Variants in ATXN1 observed in about 807,000 individuals in gnomAD.
The protein encoded by ATXN1 is ataxin-1.
In ATXN1, 8 loss-of-function variants were observed where a neutral mutation model predicts 56.4. The observed-to-expected ratio is 0.14, with a 90% confidence interval of 0.08 to 0.26. The LOEUF (loss-of-function observed/expected upper bound fraction) is 0.26, where lower values mean the gene tolerates loss of function less well. Among genes scored for constraint, ATXN1 ranks in the 10% least tolerant of loss-of-function variants. ATXN1 has a pLI of 1.00. For synonymous variants in ATXN1, 514 were observed against 494.6 expected, an observed-to-expected ratio of 1.04 and a Z score of -0.52; for missense variants, 987 against 1,106.5, an observed-to-expected ratio of 0.89 and a Z score of 1.53.
chr6:16,756,356 A>T (rs1760887053), intron 1 of ATXN1, among the ~76,000 whole-genome samples: 1 of 152,150 alleles, frequency 6.6e-6, no homozygotes, highest in Non-Finnish European at 1.5e-5. Flanking sequence ...TATTAAACTA[A>T]ATTACATGAA....
chr6:16,463,980 G>A (rs1278850392), intron 6 of ATXN1, among the ~76,000 whole-genome samples: 1 of 152,160 alleles, frequency 6.6e-6, no homozygotes, highest in African/African-American at 2.4e-5. Flanking sequence ...TTGGCCTAGA[G>A]TGTTCCCCTC....
intron 3 of ATXN1, among the ~76,000 whole-genome samples, chr6:16,637,457 G>A (rs560312665): frequency 2.0e-4 from 31 of 151,544 alleles, no homozygotes; most frequent in African/African-American, 6.8e-4. Context: ...TAACAAACCT[G>A]CACATTGTGC....
At chr6:16,478,707 A>C (rs758618009) in intron 6 of ATXN1, among the ~76,000 whole-genome samples, 20 of 152,182 alleles carry the variant, frequency 1.3e-4, no homozygotes, top group Non-Finnish European at 2.6e-4. Context: ...CTTGGATTTT[A>C]GCCCTGGAGA....
chr6:16,553,062 C>T (rs765678058), intron 4 of ATXN1, among the ~76,000 whole-genome samples: 109 of 152,334 alleles, frequency 7.2e-4, no homozygotes, highest in Non-Finnish European at 1.3e-3. Context: ...CGCTTTCGTT[C>T]AGGCTATGCG....
intron 2 of ATXN1, among the ~76,000 whole-genome samples, chr6:16,721,083 A>G (rs1199924961): frequency 6.6e-6 from 1 of 152,238 alleles, no homozygotes; most frequent in Admixed American, 6.5e-5. Context: ...CCTGCTCTGC[A>G]TACCTATTAA....
intron 6 of ATXN1, among the ~76,000 whole-genome samples, chr6:16,401,515 G>A (rs530473785): frequency 2.0e-5 from 3 of 152,342 alleles, no homozygotes; most frequent in Non-Finnish European, 2.9e-5. Context: ...TGAGGGTGGA[G>A]AATCGCTTGA....
chr6:16,747,299 G>A (rs1047091867), intron 2 of ATXN1, among the ~76,000 whole-genome samples: 3 of 151,982 alleles, frequency 2.0e-5, no homozygotes, highest in Non-Finnish European at 2.9e-5. Flanking sequence ...AACAGAACTC[G>A]AAAAACATAT....
chr6:16,303,920 C>G lies in ATXN1; in HGVS notation c.*2409G>C, dbSNP rs1248405021. 6.6e-6 allele frequency: 1 copy of G among 152,644 alleles called. No homozygotes were observed. Among genetic ancestry groups the G allele is most frequent in the Non-Finnish European group, 1.5e-5 (1 of 68,046 alleles). 9.5% of individuals were successfully genotyped at this position (152,644 alleles called of 1,614,324 possible). A position where few individuals can be genotyped will look rare whatever the true frequency, so the allele number is the denominator to read the frequency against. ...ATATATGGAAGATTAAGCAAGTTCT[C>G]TGAACAGAAACGTTTAAAAAATACA... On this transcript the variant is annotated 3_prime_UTR_variant, in exon 8 of 8. Transcript: ENST00000436367. This position sits in a 1 kb window ranked among gnomAD's most constrained non-coding sequence, Gnocchi z 4.3.
At chr6:16,508,253 A>C (rs1453916762) in intron 5 of ATXN1, among the ~76,000 whole-genome samples, 2 of 152,230 alleles carry the variant, frequency 1.3e-5, no homozygotes, top group Non-Finnish European at 2.9e-5. Context: ...GAAGATACTG[A>C]TATAGTAGAT....
At chr6:16,645,307 G>T (rs1337798112) in intron 3 of ATXN1, among the ~76,000 whole-genome samples, 7 of 152,186 alleles carry the variant, frequency 4.6e-5, no homozygotes. Context: ...TGTCTGATGG[G>T]CTCCCAGAGA....
At chr6:16,508,058 T>A (rs1352735840) in intron 5 of ATXN1, among the ~76,000 whole-genome samples, 1 of 152,198 alleles carries the variant, frequency 6.6e-6, no homozygotes, top group African/African-American at 2.4e-5. Flanking sequence ...AACTGTGGGC[T>A]TGGCTATATG....
At chr6:16,606,475 C>T (rs1763006612) in intron 3 of ATXN1, among the ~76,000 whole-genome samples, 3 of 150,984 alleles carry the variant, frequency 2.0e-5, no homozygotes. Flanking sequence ...AATGGGCAGC[C>T]CTGTTTTGTT....
chr6:16,759,530 G>GTTTTTTTTTTTTTT (rs1046854905), intron 1 of ATXN1, among the ~76,000 whole-genome samples: 1 of 45,960 alleles, frequency 2.2e-5, no homozygotes, highest in African/African-American at 8.6e-5. Flanking sequence ...TCTTCCGACT[G>GTTTTTTTTTTTTTT]TTTTTTTTTT....
chr6:16,736,461 G>A (rs1193368087), intron 2 of ATXN1, among the ~76,000 whole-genome samples: 2 of 152,156 alleles, frequency 1.3e-5, no homozygotes, highest in East Asian at 1.9e-4. Flanking sequence ...AAAAGAGGCT[G>A]TTACAAAAGA....
At chr6:16,582,954 G>C (rs1458562628) in intron 4 of ATXN1, among the ~76,000 whole-genome samples, 1 of 152,204 alleles carries the variant, frequency 6.6e-6, no homozygotes, top group South Asian at 2.1e-4. Flanking sequence ...TGCCTCATCA[G>C]AATCTGGCAG....
intron 2 of ATXN1, among the ~76,000 whole-genome samples, chr6:16,720,038 G>GT (rs1391067423): frequency 6.6e-6 from 1 of 152,078 alleles, no homozygotes; most frequent in Non-Finnish European, 1.5e-5. Flanking sequence ...CACATTTAGC[G>GT]TAAAATCCAA....
intron 2 of ATXN1, among the ~76,000 whole-genome samples, chr6:16,671,071 C>T (rs1758530068): frequency 6.7e-6 from 1 of 150,202 alleles, no homozygotes; most frequent in African/African-American, 2.4e-5. Flanking sequence ...TATAAAAGTC[C>T]TTGCAAAGTT....
At chr6:16,322,410 G>A (rs547395100) in intron 7 of ATXN1, among the ~76,000 whole-genome samples, 1 of 152,058 alleles carries the variant, frequency 6.6e-6, no homozygotes, top group African/African-American at 2.4e-5. Context: ...TGTGATGTTG[G>A]GGGGGTCTTA....
chr6:16,508,840 C>T (rs1384882632), intron 5 of ATXN1, among the ~76,000 whole-genome samples: 1 of 152,134 alleles, frequency 6.6e-6, no homozygotes, highest in African/African-American at 2.4e-5. Context: ...GCATTATTCA[C>T]AGTAACCAAA....
Sources: allele counts gnomAD v4.1 joint callset (sites outside exome capture counted in the v4.1 genomes callset), GRCh38; gene constraint gnomAD v4.1.1; non-coding constraint Gnocchi (gnomAD v3.1); transcripts MANE v1.5; gene names NCBI Gene and HGNC (gene_info 2026-07-23, HGNC 2026-07-21).